Variants in ADAM22 observed in about 807,000 individuals in gnomAD.
ADAM22 encodes the protein ADAM metallopeptidase domain 22, also known as disintegrin and metalloproteinase domain-containing protein 22.
A neutral mutation model predicts 144.6 loss-of-function variants in ADAM22; 65 were observed. The ratio of observed to expected loss-of-function variants is 0.45; its 90% CI spans 0.37 to 0.55. The LOEUF (loss-of-function observed/expected upper bound fraction) is 0.55, where lower values mean the gene tolerates loss of function less well. Ranked by LOEUF, ADAM22 falls within the 20% of genes least tolerant of loss-of-function variation. ADAM22 has a pLI of 0.00. For synonymous variants in ADAM22, 391 were observed against 412.6 expected (o/e 0.95, Z 0.63); for missense variants, 974 against 1,184.9 (o/e 0.82, Z 2.61).
At chr7:87,966,982 C>A (rs1849282464) in intron 2 of ADAM22, among the ~76,000 whole-genome samples, 1 of 151,842 alleles carries the variant, frequency 6.6e-6, no homozygotes, top group Non-Finnish European at 1.5e-5. Context: ...GGGATGGTTA[C>A]CTCCATGCTA....
chr7:88,192,825 G>T (rs575852231), intron 30 of ADAM22, among the ~76,000 whole-genome samples: 68 of 152,160 alleles, frequency 4.5e-4, no homozygotes, highest in African/African-American at 1.5e-3. Flanking sequence ...CATCCCTTCT[G>T]CATTTTAGCT....
intron 31 of ADAM22, among the ~76,000 whole-genome samples, chr7:88,194,985 A>G (rs1011267254): frequency 6.6e-6 from 1 of 152,240 alleles, no homozygotes; most frequent in African/African-American, 2.4e-5. Flanking sequence ...GTAGGCAGAC[A>G]TGGGCATTCA....
chr7:88,189,671 C>T (rs535346383), intron 30 of ADAM22, among the ~76,000 whole-genome samples: 10 of 152,262 alleles, frequency 6.6e-5, no homozygotes, highest in African/African-American at 9.6e-5. Flanking sequence ...CTAGGCCAGG[C>T]GCAGTGGCTC....
rs149086180 is a variant in ADAM22, at chr7:88,089,900, G to A, written c.390+14208G>A. The A allele has an allele frequency of 2.0e-5, 3 of 152,310 alleles. No individual in the cohort carries two copies. In the East Asian group the frequency reaches 5.8e-4, roughly 29 times the overall value. The allele number at this position is 152,310 out of a possible 1,614,324, so 9.4% of individuals were successfully genotyped here. On this transcript the variant is annotated intron_variant, in intron 4 of 31. Transcript: ENST00000413139. ...TTTTAAGGGCCGGCTGATGGGCAGA[G>A]TGTCAACTGAGGGCCTTCAGTCATT...
intron 15 of ADAM22, 52 bp downstream of exon 15, chr7:88,143,177 AAT>A: frequency 8.2e-7 from 1 of 1,225,870 alleles, no homozygotes; most frequent in African/African-American, 1.5e-5. Context: ...ACCTTTCTAA[AAT>A]ATTACAAATA....
chr7:88,151,133 A>C, intron 19 of ADAM22, 102 bp downstream of exon 19: 2 of 1,517,558 alleles, frequency 1.3e-6, no homozygotes, highest in South Asian at 2.3e-5. Context: ...GTTTGTAATC[A>C]ATTCTGAAGA....
chr7:88,006,235 G>C (rs534300976), intron 3 of ADAM22, among the ~76,000 whole-genome samples: 1 of 152,120 alleles, frequency 6.6e-6, no homozygotes, highest in African/African-American at 2.4e-5. Context: ...CCAATAACAG[G>C]ATCTGAAATT....
At chr7:88,113,443 GTA>G (rs1262654845) in intron 5 of ADAM22, among the ~76,000 whole-genome samples, 1 of 150,514 alleles carries the variant, frequency 6.6e-6, no homozygotes, top group African/African-American at 2.4e-5. Flanking sequence ...TTGTAACATA[GTA>G]TCTGGCATGA....
At chr7:88,109,725 G>C (rs1407026914) in intron 5 of ADAM22, among the ~76,000 whole-genome samples, 3 of 147,744 alleles carry the variant, frequency 2.0e-5, no homozygotes, top group Non-Finnish European at 4.5e-5. Flanking sequence ...TTTTGAGAGA[G>C]AGAGAGGAAA....
At chr7:88,171,674 A>T (rs1427204472) in intron 26 of ADAM22, 113 bp downstream of exon 26, 23 of 851,038 alleles carry the variant, frequency 2.7e-5, no homozygotes. Context: ...ATGTATAATA[A>T]TCATACACTA....
intron 25 of ADAM22, among the ~76,000 whole-genome samples, chr7:88,170,055 G>A (rs112617506): frequency 2.6e-5 from 4 of 151,816 alleles, no homozygotes; most frequent in Non-Finnish European, 5.9e-5. Context: ...TTTTCTGCAG[G>A]TGACTTCTTA....
chr7:88,014,994 G>A (rs1353098577), intron 3 of ADAM22, among the ~76,000 whole-genome samples: 1 of 152,212 alleles, frequency 6.6e-6, no homozygotes, highest in East Asian at 1.9e-4. Flanking sequence ...GAGCCATGAC[G>A]CCGTATGCTC....
At chr7:87,957,882 C>G (rs1847159665) in intron 2 of ADAM22, among the ~76,000 whole-genome samples, 1 of 152,166 alleles carries the variant, frequency 6.6e-6, no homozygotes, top group Non-Finnish European at 1.5e-5. Context: ...CCTGTCTGGT[C>G]TGTTTTCATA....
intron 3 of ADAM22, among the ~76,000 whole-genome samples, chr7:88,062,538 C>T (rs1197363854): frequency 6.6e-6 from 1 of 152,194 alleles, no homozygotes; most frequent in Non-Finnish European, 1.5e-5. Flanking sequence ...ACCACTAAAA[C>T]TTTCTTCATA....
chr7:88,135,034 G>T (rs1346075197), intron 13 of ADAM22, among the ~76,000 whole-genome samples: 1 of 151,846 alleles, frequency 6.6e-6, no homozygotes, highest in Non-Finnish European at 1.5e-5. Context: ...AGCACTTTGG[G>T]AGGCTGAGGC....
chr7:88,164,345 A>T (rs1008470518), intron 23 of ADAM22, among the ~76,000 whole-genome samples: 1 of 152,074 alleles, frequency 6.6e-6, no homozygotes, highest in Admixed American at 6.6e-5. Flanking sequence ...AATGCAAATA[A>T]ATCAGATGGC....
chr7:88,021,860 T>C (rs1797890710), intron 3 of ADAM22, among the ~76,000 whole-genome samples: 1 of 151,668 alleles, frequency 6.6e-6, no homozygotes, highest in South Asian at 2.1e-4. Flanking sequence ...AATTTCTTCC[T>C]TCTCTCATTA....
At chr7:88,176,120 G>A (rs754948326) in intron 26 of ADAM22, among the ~76,000 whole-genome samples, 1 of 152,018 alleles carries the variant, frequency 6.6e-6, no homozygotes, top group African/African-American at 2.4e-5. Context: ...TTACAAGTGC[G>A]TGCCACCACA....
intron 7 of ADAM22, among the ~76,000 whole-genome samples, chr7:88,123,383 GT>G (rs1829748512): frequency 6.6e-6 from 1 of 151,818 alleles, no homozygotes; most frequent in Admixed American, 6.6e-5. Context: ...TGGCCTTGTG[GT>G]TTTCTTGGAA....
Sources: allele counts gnomAD v4.1 joint callset (sites outside exome capture counted in the v4.1 genomes callset), GRCh38; gene constraint gnomAD v4.1.1; transcripts MANE v1.5; gene names NCBI Gene and HGNC (gene_info 2026-07-23, HGNC 2026-07-21).